Variants in VSNL1 observed in about 807,000 individuals in gnomAD.
VSNL1 encodes visinin-like protein 1.
VSNL1 carries 6 observed loss-of-function variants against 20.4 expected under a neutral mutation model. The ratio of observed to expected loss-of-function variants is 0.29; its 90% CI spans 0.16 to 0.58. VSNL1 has a LOEUF of 0.58. VSNL1 is among the 20% of genes least tolerant of loss of function. The probability of loss-of-function intolerance (pLI) is 0.90; values close to 1 mark genes in which losing one functional copy is unlikely to be tolerated. For missense variants in VSNL1, 100 were observed against 234.5 expected, an observed-to-expected ratio of 0.43 and a Z score of 3.75; for synonymous variants, 93 against 86.4, an observed-to-expected ratio of 1.08 and a Z score of -0.42.
At chr2:17,549,003 G>A (rs1299773899) in intron 1 of VSNL1, among the ~76,000 whole-genome samples, 1 of 152,156 alleles carries the variant, frequency 6.6e-6, no homozygotes, top group Non-Finnish European at 1.5e-5. Flanking sequence ...CATAAATAAT[G>A]TCAGAGGACA....
intron 2 of VSNL1, among the ~76,000 whole-genome samples, chr2:17,625,686 T>C (rs1307551846): frequency 6.6e-6 from 1 of 152,066 alleles, no homozygotes; most frequent in Non-Finnish European, 1.5e-5. Context: ...GGCGGGACAA[T>C]GTGTCAAGGA....
At chr2:17,615,492 C>T (rs1665194565) in intron 2 of VSNL1, among the ~76,000 whole-genome samples, 1 of 152,260 alleles carries the variant, frequency 6.6e-6, no homozygotes, top group South Asian at 2.1e-4. Context: ...GAAACCTCCT[C>T]TAACTCCCTT....
chr2:17,547,774 G>A (rs1227125203), intron 1 of VSNL1, among the ~76,000 whole-genome samples: 1 of 151,870 alleles, frequency 6.6e-6, no homozygotes, highest in East Asian at 1.9e-4. Flanking sequence ...ATATAATTGA[G>A]TCCAGAATAT....
intron 3 of VSNL1, among the ~76,000 whole-genome samples, chr2:17,652,702 T>C (rs1666146460): frequency 6.6e-6 from 1 of 152,374 alleles, no homozygotes; most frequent in South Asian, 2.1e-4. Context: ...TTGTTCAGCT[T>C]ATTGTTCAGA....
chr2:17,623,919 T>C (rs183867246), intron 2 of VSNL1, among the ~76,000 whole-genome samples: 33 of 152,316 alleles, frequency 2.2e-4, no homozygotes, highest in African/African-American at 7.9e-4. Flanking sequence ...CTGGTGAGGA[T>C]GGCTTCTAAG....
rs1268651256 is a variant in VSNL1 at position 17,548,466 on chromosome 2, T to G, written c.-6+7548T>G. Among the ~76,000 whole-genome samples, 4 of 152,244 alleles carry G rather than the reference T, an allele frequency of 2.6e-5. No individual in the cohort carries two copies. The East Asian group carries it at 7.7e-4, about 29-fold the overall frequency. Reference sequence around the variant, plus strand: ...CTCCTGGATGATTCATAGAATTGAGTAGGGTTATTGTTCTAATTAATCTTT... The same window carrying G: ...CTCCTGGATGATTCATAGAATTGAGGAGGGTTATTGTTCTAATTAATCTTT... On this transcript the variant is annotated intron_variant, in intron 1 of 3. Transcript: ENST00000295156.
intron 3 of VSNL1, among the ~76,000 whole-genome samples, chr2:17,650,409 G>T (rs1666098516): frequency 6.6e-6 from 1 of 152,246 alleles, no homozygotes; most frequent in Admixed American, 6.5e-5. Context: ...CAAGCTCTCT[G>T]AGGAGGCTCT....
chr2:17,627,420 C>A (rs1665537668), intron 2 of VSNL1, among the ~76,000 whole-genome samples: 1 of 152,178 alleles, frequency 6.6e-6, no homozygotes, highest in Non-Finnish European at 1.5e-5. Flanking sequence ...ACGGGAATTG[C>A]AATAGCAAAA....
chr2:17,603,215 G>A (rs1000016763), intron 2 of VSNL1, among the ~76,000 whole-genome samples: 6 of 152,190 alleles, frequency 3.9e-5, no homozygotes, highest in African/African-American at 1.4e-4. Context: ...CATAAACCAA[G>A]TAGTGATAAA....
chr2:17,620,453 C>T (rs976268561), intron 2 of VSNL1, among the ~76,000 whole-genome samples: 3 of 152,162 alleles, frequency 2.0e-5, no homozygotes, highest in Admixed American at 1.3e-4. Context: ...GCAGGGGCCC[C>T]GCCTCCTCAT....
At position 17,634,601 on chromosome 2, in the gene VSNL1, G is replaced by C. The variant is rs1007188948; in HGVS notation, c.163-14809G>C. On this transcript the variant is annotated intron_variant, in intron 2 of 3. Coordinates refer to ENST00000295156, the MANE Select transcript of VSNL1 (RefSeq NM_003385.5). This position sits in a 1 kb window ranked among gnomAD's most constrained non-coding sequence, Gnocchi z 4.3. ...GCAAAGCTTAGCTGTGCCCCTTCCC[G>C]TCCCCTGACACCCTCATCTCTCCTC... Among the ~76,000 whole-genome samples, 3 of 152,262 alleles carry C rather than the reference G, an allele frequency of 2.0e-5. No homozygotes were observed. The highest frequency in any genetic ancestry group is 3.4e-3 in the Middle Eastern group (1 of 294).
chr2:17,606,897 G>T (rs1427067651), intron 2 of VSNL1, among the ~76,000 whole-genome samples: 1 of 152,176 alleles, frequency 6.6e-6, no homozygotes, highest in African/African-American at 2.4e-5. Flanking sequence ...TTCTGGAAAA[G>T]GTTTTTCTTT....
At chr2:17,651,752 T>C (rs1666127547) in intron 3 of VSNL1, among the ~76,000 whole-genome samples, 1 of 152,248 alleles carries the variant, frequency 6.6e-6, no homozygotes, top group Non-Finnish European at 1.5e-5. Context: ...TAGCTCTTCC[T>C]TTCTTCTATT....
chr2:17,582,895 G>A (rs1366733513), intron 1 of VSNL1, among the ~76,000 whole-genome samples: 3 of 151,926 alleles, frequency 2.0e-5, no homozygotes, highest in Non-Finnish European at 4.4e-5. Flanking sequence ...ATAATACTGA[G>A]TAAAAGTTTG....
At chr2:17,630,737 C>T (rs879367959) in intron 2 of VSNL1, among the ~76,000 whole-genome samples, 2 of 152,080 alleles carry the variant, frequency 1.3e-5, no homozygotes, top group Non-Finnish European at 1.5e-5. Context: ...TCAAACATAT[C>T]AAACATACAC....
chr2:17,584,140 AT>A (rs1172882413), intron 1 of VSNL1, among the ~76,000 whole-genome samples: 1 of 152,204 alleles, frequency 6.6e-6, no homozygotes, highest in East Asian at 1.9e-4. Context: ...CAGGAGCATC[AT>A]TTGACCCTAA....
At chr2:17,598,039 A>G (rs895160665) in intron 2 of VSNL1, among the ~76,000 whole-genome samples, 2 of 152,258 alleles carry the variant, frequency 1.3e-5, no homozygotes, top group Admixed American at 1.3e-4. Flanking sequence ...ATGTTATTAT[A>G]GGACCAGCAC....
At chr2:17,561,510 A>G (rs1663814330) in intron 1 of VSNL1, among the ~76,000 whole-genome samples, 1 of 152,232 alleles carries the variant, frequency 6.6e-6, no homozygotes, top group Non-Finnish European at 1.5e-5. Context: ...TCCAAGCAGT[A>G]TTAAGCAATT....
intron 2 of VSNL1, among the ~76,000 whole-genome samples, chr2:17,613,511 C>A (rs1665139886): frequency 6.6e-6 from 1 of 152,214 alleles, no homozygotes. Flanking sequence ...GATGCATCCT[C>A]ATAACAGATG....
Sources: allele counts gnomAD v4.1 joint callset (sites outside exome capture counted in the v4.1 genomes callset), GRCh38; gene constraint gnomAD v4.1.1; non-coding constraint Gnocchi (gnomAD v3.1); transcripts MANE v1.5; gene names NCBI Gene and HGNC (gene_info 2026-07-23, HGNC 2026-07-21).